DPP10: variants seen among roughly 807,000 people sequenced by gnomAD.
DPP10 encodes dipeptidyl peptidase like 10.
In DPP10, 33 loss-of-function variants were observed where a neutral mutation model predicts 120.9. That is an observed-to-expected ratio of 0.27 (90% CI 0.21 to 0.37). The LOEUF (loss-of-function observed/expected upper bound fraction) is 0.37. DPP10 is among the 10% of genes least tolerant of loss of function. The pLI, the probability that DPP10 is intolerant of heterozygous loss-of-function variation, is 1.00. For missense variants in DPP10, 816 were observed against 942.8 expected (o/e 0.87, Z 1.76); for synonymous variants, 337 against 326.1 (o/e 1.03, Z -0.36).
intron 1 of DPP10, among the ~76,000 whole-genome samples, chr2:115,221,989 G>C (rs534491525): frequency 1.3e-5 from 2 of 152,164 alleles, no homozygotes; most frequent in African/African-American, 4.8e-5. Flanking sequence ...TAAACTCTAG[G>C]ATTTGGAGAG....
At chr2:115,524,247 T>C (rs754239138) in intron 4 of DPP10, among the ~76,000 whole-genome samples, 8 of 152,132 alleles carry the variant, frequency 5.3e-5, no homozygotes, top group Non-Finnish European at 1.0e-4. Flanking sequence ...CTGGTCCCAA[T>C]GGTACTGAAT....
chr2:114,867,317 C>G (rs1280833738), intron 1 of DPP10, among the ~76,000 whole-genome samples: 1 of 152,028 alleles, frequency 6.6e-6, no homozygotes, highest in Non-Finnish European at 1.5e-5. Flanking sequence ...TTTTAATTAC[C>G]CTTTCTGGAA....
rs186833289 is a variant in DPP10 at position 114,628,577 on chromosome 2, C to T, written c.60+185739C>T. Among the ~76,000 whole-genome samples, 10 of 152,248 alleles carry T rather than the reference C, an allele frequency of 6.6e-5. No individual in the cohort carries two copies. In the East Asian group the frequency reaches 1.5e-3, roughly 24 times the overall value. On this transcript the variant is annotated intron_variant, in intron 1 of 25. Transcript: ENST00000410059. ...TCATGGGTCTTTTGCCAACCTTAAT[C>T]ATTAACCTGGACTTTAACAACTTGT...
At chr2:115,269,599 T>C (rs2059604983) in intron 1 of DPP10, among the ~76,000 whole-genome samples, 2 of 152,194 alleles carry the variant, frequency 1.3e-5, no homozygotes, top group African/African-American at 4.8e-5. Context: ...TTGCTTGCTA[T>C]GCAGGTGGCC....
intron 13 of DPP10, 57 bp downstream of exon 13, chr2:115,768,461 C>T (rs1024393558): frequency 2.0e-6 from 3 of 1,499,892 alleles, no homozygotes; most frequent in Non-Finnish European, 2.8e-6. Context: ...CCCCGAAGGC[C>T]CAGTTCTTGT....
At chr2:114,657,157 C>A (rs1390520334) in intron 1 of DPP10, among the ~76,000 whole-genome samples, 1 of 152,072 alleles carries the variant, frequency 6.6e-6, no homozygotes, top group African/African-American at 2.4e-5. Flanking sequence ...AGGCCTATAT[C>A]TTTTAAGATC....
At position 115,468,628 on chromosome 2, in the gene DPP10, C is replaced by T. The variant is rs545455734; in HGVS notation, c.272-30882C>T. On this transcript the variant is annotated intron_variant, in intron 3 of 25. Transcript: ENST00000410059. ...TGTGGCACCATCTCCCATGAACATC[C>T]ATGGGAGGTCATGCCTGATCTCTAC... is the stretch of plus-strand genomic sequence containing the variant. The T allele has an allele frequency of 2.5e-3, 955 of 379,262 alleles. 3 individuals carry two copies. The highest frequency in any genetic ancestry group is 4.1e-3 in the Non-Finnish European group (796 of 193,174). 23.5% of individuals were successfully genotyped at this position (379,262 alleles called of 1,614,324 possible).
At chr2:114,699,820 G>T (rs1324543886) in intron 1 of DPP10, among the ~76,000 whole-genome samples, 1 of 152,102 alleles carries the variant, frequency 6.6e-6, no homozygotes. Flanking sequence ...TCAAGGGAGT[G>T]AATGGAAAGG....
intron 1 of DPP10, among the ~76,000 whole-genome samples, chr2:114,748,348 T>A (rs1288050723): frequency 3.3e-5 from 4 of 122,120 alleles, no homozygotes; most frequent in Non-Finnish European, 6.7e-5. Flanking sequence ...CTTTTTTTTT[T>A]TTATTTTTTT....
chr2:114,528,046 C>T (rs1685650775), intron 1 of DPP10, among the ~76,000 whole-genome samples: 1 of 152,072 alleles, frequency 6.6e-6, no homozygotes, highest in Non-Finnish European at 1.5e-5. Context: ...AGTGTCAATG[C>T]AAAGTGGGAT....
intron 3 of DPP10, among the ~76,000 whole-genome samples, chr2:115,448,136 A>T (rs1450496317): frequency 6.6e-6 from 1 of 152,202 alleles, no homozygotes; most frequent in African/African-American, 2.4e-5. Context: ...GATTTATGGG[A>T]ACGGTGAAGT....
intron 7 of DPP10, 55 bp from the exon 8 acceptor site, chr2:115,727,761 C>T: frequency 6.6e-7 from 1 of 1,522,986 alleles, no homozygotes; most frequent in East Asian, 2.4e-5. Context: ...ATTAAAGTTT[C>T]AAAAGGCATC....
At chr2:114,556,521 G>A (rs920387530) in intron 1 of DPP10, among the ~76,000 whole-genome samples, 1 of 151,964 alleles carries the variant, frequency 6.6e-6, no homozygotes, top group Non-Finnish European at 1.5e-5. Context: ...AGCTCAGTGT[G>A]AGCCTTTTAC....
At chr2:115,789,917 C>A (rs1436043649) in intron 17 of DPP10, among the ~76,000 whole-genome samples, 1 of 152,038 alleles carries the variant, frequency 6.6e-6, no homozygotes, top group Non-Finnish European at 1.5e-5. Flanking sequence ...CCTCTAAAAT[C>A]TGTATAATAC....
intron 1 of DPP10, among the ~76,000 whole-genome samples, chr2:115,277,447 CTTTTTTTTTTTTTTTTT>C (rs70941038): frequency 3.6e-3 from 179 of 49,808 alleles, no homozygotes; most frequent in African/African-American, 0.014. Flanking sequence ...CTGCCAGGGC[CTTTTTTTTTTTTTTTTT>C]TTTTTTTTTT....
At chr2:115,077,496 TTG>T (rs1198324691) in intron 1 of DPP10, among the ~76,000 whole-genome samples, 2 of 152,292 alleles carry the variant, frequency 1.3e-5, no homozygotes, top group South Asian at 2.1e-4. Context: ...CATCCCCTCT[TTG>T]ACATTCCCTA....
chr2:115,049,641 A>G (rs1573430750), intron 1 of DPP10, among the ~76,000 whole-genome samples: 1 of 152,116 alleles, frequency 6.6e-6, no homozygotes, highest in Non-Finnish European at 1.5e-5. Flanking sequence ...TATCAAAAGT[A>G]CTCCGTATCT....
At chr2:115,308,422 A>T (rs768711687) in intron 1 of DPP10, among the ~76,000 whole-genome samples, 2 of 152,134 alleles carry the variant, frequency 1.3e-5, no homozygotes, top group Non-Finnish European at 2.9e-5. Flanking sequence ...AGTGTTTTAT[A>T]AACTGTATTG....
intron 1 of DPP10, among the ~76,000 whole-genome samples, chr2:115,029,711 T>TTTAGTATTAA (rs1703710773): frequency 6.6e-6 from 1 of 152,174 alleles, no homozygotes; most frequent in South Asian, 2.1e-4. Context: ...TTCTGGATAT[T>TTTAGTATTAA]TTAGTATTAA....
Sources: allele counts gnomAD v4.1 joint callset (sites outside exome capture counted in the v4.1 genomes callset), GRCh38; gene constraint gnomAD v4.1.1; transcripts MANE v1.5; gene names NCBI Gene and HGNC (gene_info 2026-07-23, HGNC 2026-07-21).